CTNNA3: variants seen among roughly 807,000 people sequenced by gnomAD.
CTNNA3 encodes catenin alpha-3.
CTNNA3 carries 76 observed loss-of-function variants against 95.7 expected under a neutral mutation model. That is an observed-to-expected ratio of 0.79 (90% CI 0.66 to 0.96). The LOEUF is 0.96. CTNNA3 is among the 40% of genes least tolerant of loss of function. CTNNA3 has a pLI of 0.00. For missense variants in CTNNA3, 1,191 were observed against 1,089.8 expected (o/e 1.09, Z -1.31); for synonymous variants, 431 against 374.4 (o/e 1.15, Z -1.74).
At chr10:66,033,638 T>C (rs1280359002) in intron 15 of CTNNA3, among the ~76,000 whole-genome samples, 4 of 152,062 alleles carry the variant, frequency 2.6e-5, no homozygotes, top group Non-Finnish European at 5.9e-5. Flanking sequence ...CTGGAAAGAC[T>C]CAATCAGTGA....
chr10:67,112,317 C>A (rs1179897932), intron 7 of CTNNA3, among the ~76,000 whole-genome samples: 4 of 152,014 alleles, frequency 2.6e-5, no homozygotes, highest in Admixed American at 2.0e-4. Flanking sequence ...TTTTTACTGA[C>A]TTGGTTCCCT....
intron 4 of CTNNA3, among the ~76,000 whole-genome samples, chr10:67,522,930 A>G (rs1231571129): frequency 6.6e-6 from 1 of 152,178 alleles, no homozygotes; most frequent in Non-Finnish European, 1.5e-5. Flanking sequence ...TTCTACAGAT[A>G]GAGACTTGAC....
At chr10:67,577,726 A>G (rs1373246844) in intron 3 of CTNNA3, among the ~76,000 whole-genome samples, 1 of 151,718 alleles carries the variant, frequency 6.6e-6, no homozygotes, top group African/African-American at 2.4e-5. Flanking sequence ...GTGTGTGTAT[A>G]TATACTACAT....
At chr10:66,554,222 C>A (rs1367994732) in intron 10 of CTNNA3, among the ~76,000 whole-genome samples, 1 of 152,096 alleles carries the variant, frequency 6.6e-6, no homozygotes, top group Non-Finnish European at 1.5e-5. Context: ...AAACATAGTT[C>A]AGCTTCCCAT....
intron 7 of CTNNA3, among the ~76,000 whole-genome samples, chr10:66,934,173 T>C (rs539829611): frequency 2.0e-5 from 3 of 152,160 alleles, no homozygotes; most frequent in Non-Finnish European, 4.4e-5. Context: ...TAATAATCCA[T>C]TTTATTGAAA....
At chr10:66,124,660 A>G (rs1460949113) in intron 13 of CTNNA3, among the ~76,000 whole-genome samples, 6 of 152,212 alleles carry the variant, frequency 3.9e-5, no homozygotes, top group Non-Finnish European at 8.8e-5. Flanking sequence ...ACAATTCCAC[A>G]TGGCTGGGGA....
rs570518009 is a variant in CTNNA3 at position 66,679,326 on chromosome 10, G to A, written c.1282-57542C>T. 6.6e-5 allele frequency among the ~76,000 whole-genome samples: 10 copies of A among 152,258 alleles called. No homozygotes were observed. In the South Asian group the frequency reaches 1.9e-3, roughly 28 times the overall value. On this transcript the variant is annotated intron_variant, in intron 9 of 17. Transcript: ENST00000433211. Reference sequence around the variant, plus strand: ...TGAGGATACTAGCTTCAGCAATTGGGAGATTGGTGATTTCATTCCCTGAAA... The same window carrying A: ...TGAGGATACTAGCTTCAGCAATTGGAAGATTGGTGATTTCATTCCCTGAAA...
At chr10:66,903,071 C>CA (rs551988845) in intron 7 of CTNNA3, among the ~76,000 whole-genome samples, 4 of 151,936 alleles carry the variant, frequency 2.6e-5, no homozygotes, top group Admixed American at 6.6e-5. Context: ...AGACACACAA[C>CA]AAAAAAAGAG....
intron 7 of CTNNA3, among the ~76,000 whole-genome samples, chr10:67,150,555 A>G (rs1041675995): frequency 2.6e-5 from 4 of 152,226 alleles, no homozygotes; most frequent in Non-Finnish European, 5.9e-5. Flanking sequence ...AATTAATCCA[A>G]TTATAATGCC....
chr10:67,485,524 T>C (rs1478612404), intron 5 of CTNNA3, among the ~76,000 whole-genome samples: 10 of 152,070 alleles, frequency 6.6e-5, no homozygotes, highest in Non-Finnish European at 1.2e-4. Context: ...GAAAGAAAGA[T>C]AAAAACCTCC....
At chr10:66,974,154 C>A (rs2132842978) in intron 7 of CTNNA3, among the ~76,000 whole-genome samples, 1 of 152,148 alleles carries the variant, frequency 6.6e-6, no homozygotes, top group Admixed American at 6.5e-5. Flanking sequence ...ATTAATTTTG[C>A]CTAATTTCGA....
intron 12 of CTNNA3, among the ~76,000 whole-genome samples, chr10:66,330,885 G>A (rs1054748045): frequency 6.6e-6 from 1 of 152,034 alleles, no homozygotes. Context: ...AGAAGTGTCT[G>A]TTCATATCCT....
chr10:67,354,595 T>C (rs770088891), intron 5 of CTNNA3, among the ~76,000 whole-genome samples: 1 of 151,992 alleles, frequency 6.6e-6, no homozygotes, highest in African/African-American at 2.4e-5. Flanking sequence ...AAACAATAGA[T>C]TTATTCTACA....
intron 1 of CTNNA3, among the ~76,000 whole-genome samples, chr10:67,684,535 C>T (rs1840692531): frequency 6.6e-6 from 1 of 152,200 alleles, no homozygotes; most frequent in South Asian, 2.1e-4. Flanking sequence ...CTAAACAGGA[C>T]ACCCCAACTG....
intron 7 of CTNNA3, among the ~76,000 whole-genome samples, chr10:66,877,585 A>G (rs1844674850): frequency 6.6e-6 from 1 of 152,150 alleles, no homozygotes; most frequent in Admixed American, 6.5e-5. Flanking sequence ...TTTATCTGTG[A>G]GATGGCCATT....
rs1245665220 is a variant in CTNNA3 at position 66,142,384 on chromosome 10, A to G, written c.1885-39135T>C. 2.0e-5 allele frequency among the ~76,000 whole-genome samples: 3 copies of G among 152,156 alleles called. No individual in the cohort carries two copies. The East Asian group carries it at 5.8e-4, about 29-fold the overall frequency. On this transcript the variant is annotated intron_variant, in intron 13 of 17. Coordinates refer to ENST00000433211, the MANE Select transcript of CTNNA3 (RefSeq NM_013266.4). The stretch of plus-strand genomic sequence containing the variant: ...TGATTTATTTGTCTATTATTTGACC[A>G]GTATGACACTGTCTTGATTATGGAA...
At chr10:66,076,912 C>T (rs1384130485) in intron 14 of CTNNA3, among the ~76,000 whole-genome samples, 1 of 151,624 alleles carries the variant, frequency 6.6e-6, no homozygotes, top group African/African-American at 2.4e-5. Context: ...AAACCCTCTC[C>T]AATGTTTTAT....
chr10:67,139,835 T>C (rs949394383), intron 7 of CTNNA3, among the ~76,000 whole-genome samples: 11 of 152,234 alleles, frequency 7.2e-5, no homozygotes, highest in Admixed American at 5.2e-4. Flanking sequence ...TGGTACAGAA[T>C]TTAAAAGTTC....
chr10:66,699,932 C>T (rs1847889342), intron 9 of CTNNA3, among the ~76,000 whole-genome samples: 1 of 152,128 alleles, frequency 6.6e-6, no homozygotes, highest in African/African-American at 2.4e-5. Flanking sequence ...GCTGGGATTA[C>T]AGGTGTGAGC....
Sources: gnomAD v4.1 joint callset for allele counts (sites outside exome capture counted in the v4.1 genomes callset) on GRCh38, gnomAD v4.1.1 for gene constraint, MANE v1.5 for transcripts, NCBI Gene and HGNC (gene_info 2026-07-23, HGNC 2026-07-21) for gene names.